Variants in TM9SF3 observed in about 807,000 individuals in gnomAD.
The protein encoded by TM9SF3 is SM-11044-binding protein.
In TM9SF3, 14 loss-of-function variants were observed where a neutral mutation model predicts 78.6. The ratio of observed to expected loss-of-function variants is 0.18; its 90% confidence interval spans 0.12 to 0.28. TM9SF3 has a LOEUF of 0.28. Ranked by LOEUF, TM9SF3 falls within the 10% of genes least tolerant of loss-of-function variation. The pLI is 1.00. For missense variants in TM9SF3, 496 were observed against 721.9 expected, an observed-to-expected ratio of 0.69 and a Z score of 3.59; for synonymous variants, 231 against 241.7, an observed-to-expected ratio of 0.96 and a Z score of 0.41.
intron 4 of TM9SF3, among the ~76,000 whole-genome samples, chr10:96,561,769 A>G (rs1031142397): frequency 6.6e-6 from 1 of 152,270 alleles, no homozygotes; most frequent in Non-Finnish European, 1.5e-5. Context: ...CTGCAAAGGC[A>G]TAACTGGTAT....
chr10:96,528,132 G>C lies in TM9SF3; in HGVS notation c.1440C>G (p.Val480=). 2 of 1,612,536 alleles carry C rather than the reference G, an allele frequency of 1.2e-6. No individual in the cohort carries two copies. The highest frequency in any genetic ancestry group is 1.7e-6 in the Non-Finnish European group (2 of 1,178,902). ...CCAGCACCAGCATCATGAAGCCATA[G>C]ACATAATAGATCTTATATGCCCAGA... The part of the protein sequence containing the change: ...TSFWAYKIYY[V]YGFMMLVLVI... The change falls in exon 12 of 15, where the codon GTC becomes GTG. Residue 480 remains valine (V), a synonymous_variant. Transcript: ENST00000371142.
Position 96,566,182 on chromosome 10 carries a change from A to G in TM9SF3, c.299-756T>C, listed in dbSNP as rs147425019. ...CAATCAAAAGAAGTTGTTTTGGTAT[A>G]TTAAGCAATTAGAAAAAAATTAAGA... is the stretch of plus-strand genomic sequence containing the variant. On this transcript the variant is annotated intron_variant, in intron 2 of 14. Transcript: ENST00000371142. 3.3e-3 allele frequency among the ~76,000 whole-genome samples: 496 copies of G among 152,360 alleles called. 2 individuals carry two copies. Among genetic ancestry groups the G allele is most frequent in the African/African-American group, 0.011 (445 of 41,604 alleles).
chr10:96,549,982 T>C (rs1394092070), intron 7 of TM9SF3, among the ~76,000 whole-genome samples: 1 of 152,190 alleles, frequency 6.6e-6, no homozygotes, highest in Non-Finnish European at 1.5e-5. Context: ...CAGTGTTTAA[T>C]GTAAAGCACA....
chr10:96,556,994 C>T (rs1848241600), intron 5 of TM9SF3, among the ~76,000 whole-genome samples: 1 of 152,100 alleles, frequency 6.6e-6, no homozygotes, highest in African/African-American at 2.4e-5. Context: ...CTTTCCCCTC[C>T]CCCGCAAAGC....
At chr10:96,543,344 C>CTTTTTTTTTTTTTT (rs398014526) in intron 9 of TM9SF3, among the ~76,000 whole-genome samples, 40 of 136,908 alleles carry the variant, frequency 2.9e-4, no homozygotes, top group Non-Finnish European at 4.1e-4. Flanking sequence ...TAGTGAGATT[C>CTTTTTTTTTTTTTT]TTTTTTTTGA....
At chr10:96,580,912 C>T (rs1848561174) in intron 1 of TM9SF3, among the ~76,000 whole-genome samples, 1 of 152,088 alleles carries the variant, frequency 6.6e-6, no homozygotes, top group Non-Finnish European at 1.5e-5. Flanking sequence ...AGTAATTTGT[C>T]CAAATCAATC....
Position 96,518,805 on chromosome 10 carries a change from T to C in TM9SF3, c.*3458A>G, listed in dbSNP as rs1847725061. ...TTTCTGTACACACTTCCAAATACTC[T>C]TCATAAATTTTCACTTCTGACTGAA... is the stretch of plus-strand genomic sequence containing the variant. On this transcript the variant is annotated 3_prime_UTR_variant, in exon 15 of 15. Coordinates refer to ENST00000371142, the MANE Select transcript of TM9SF3 (RefSeq NM_020123.4). 1 of 151,292 alleles carries C rather than the reference T, an allele frequency of 6.6e-6. No homozygotes were observed. Among genetic ancestry groups the C allele is most frequent in the African/African-American group, 2.4e-5 (1 of 41,152 alleles). The allele number at this position is 151,292 out of a possible 1,614,324, so 9.4% of individuals were successfully genotyped here. A position where few individuals can be genotyped will look rare whatever the true frequency, so the allele number is the denominator to read the frequency against.
intron 11 of TM9SF3, among the ~76,000 whole-genome samples, 171 bp downstream of exon 11, chr10:96,530,369 T>G (rs1026813438): frequency 1.3e-5 from 2 of 152,192 alleles, no homozygotes; most frequent in African/African-American, 2.4e-5. Context: ...ACTTGAATAT[T>G]TAAGAACACA....
chr10:96,562,206 T>G, intron 3 of TM9SF3, 68 bp from the exon 4 acceptor site: 4 of 1,147,132 alleles, frequency 3.5e-6, no homozygotes, highest in Non-Finnish European at 4.8e-6. Flanking sequence ...ACAAGCTAAA[T>G]GCTCATTAAG....
At chr10:96,535,699 A>G (rs1847950005) in intron 9 of TM9SF3, among the ~76,000 whole-genome samples, 1 of 152,166 alleles carries the variant, frequency 6.6e-6, no homozygotes, top group Admixed American at 6.5e-5. Context: ...AGTGGGGAGA[A>G]GAAAGATTTA....
At chr10:96,538,507 A>G (rs1354618492) in intron 9 of TM9SF3, among the ~76,000 whole-genome samples, 1 of 152,200 alleles carries the variant, frequency 6.6e-6, no homozygotes, top group Non-Finnish European at 1.5e-5. Context: ...GAAAAAGCAC[A>G]AAGCATAAAA....
intron 2 of TM9SF3, among the ~76,000 whole-genome samples, chr10:96,575,298 TAA>T (rs1329552674): frequency 6.6e-6 from 1 of 152,164 alleles, no homozygotes; most frequent in Non-Finnish European, 1.5e-5. Context: ...TTTTCTAGTT[TAA>T]GTTTTCTTGT....
intron 8 of TM9SF3, among the ~76,000 whole-genome samples, chr10:96,545,643 A>G (rs1478778640): frequency 6.6e-6 from 1 of 152,088 alleles, no homozygotes; most frequent in African/African-American, 2.4e-5. Context: ...TAATCCCAGC[A>G]CTTTGGGAAG....
chr10:96,551,288 G>C lies in TM9SF3; in HGVS notation c.916C>G (p.Leu306Val). ...GSGCQIFAVS[L>V]IVIIVAMIED... ...ATCATTGCAACAATAATAACGATGA[G>C]AGACACAGCAAATATCTGACATCCA... Residue 306 changes from leucine (L) to valine (V), a missense_variant, in exon 7 of 15, where the codon CTC (leucine) becomes GTC (valine). By Grantham distance (32) the Leu-to-Val change is conservative (BLOSUM62 1). Coordinates refer to ENST00000371142, the MANE Select transcript of TM9SF3 (RefSeq NM_020123.4). The C allele has an allele frequency of 1.2e-6, 2 of 1,612,636 alleles. No individual in the cohort carries two copies. The highest frequency in any genetic ancestry group is 8.5e-7 in the Non-Finnish European group (1 of 1,179,564).
chr10:96,570,191 C>T (rs1173464886), intron 2 of TM9SF3, among the ~76,000 whole-genome samples: 2 of 152,138 alleles, frequency 1.3e-5, no homozygotes, highest in African/African-American at 4.8e-5. Flanking sequence ...TTAGAATGTG[C>T]TTAAAACAGT....
At chr10:96,571,709 T>G (rs1029023125) in intron 2 of TM9SF3, among the ~76,000 whole-genome samples, 1 of 152,194 alleles carries the variant, frequency 6.6e-6, no homozygotes, top group Non-Finnish European at 1.5e-5. Context: ...AAAAAAATAC[T>G]TGTAAAATAA....
Position 96,552,154 on chromosome 10 carries a change from T to C in TM9SF3, c.793-743A>G, listed in dbSNP as rs143375437. ...ACCCTAGTATATTAAAATTTAAAATTTGAAACTATTTCCCAAGCCAGGCAC... is the reference window on the plus strand; with the variant it reads ...ACCCTAGTATATTAAAATTTAAAATCTGAAACTATTTCCCAAGCCAGGCAC... On this transcript the variant is annotated intron_variant, in intron 6 of 14. Coordinates refer to ENST00000371142, the MANE Select transcript of TM9SF3 (RefSeq NM_020123.4). 1.6e-4 allele frequency among the ~76,000 whole-genome samples: 24 copies of C among 152,196 alleles called. No individual in the cohort carries two copies. The East Asian group carries it at 4.2e-3, about 27-fold the overall frequency.
rs563520083 is a variant in TM9SF3, at chr10:96,573,361, A to G, written c.298+3273T>C. ...GACAACCTACAACACTTTTCAAAGC[A>G]TGATCGACTTTATCTTTGAACACAG... On this transcript the variant is annotated intron_variant, in intron 2 of 14. Transcript: ENST00000371142. 3.0e-4 allele frequency among the ~76,000 whole-genome samples: 45 copies of G among 152,322 alleles called. No homozygotes were observed. In the South Asian group the frequency reaches 9.3e-3, roughly 32 times the overall value.
chr10:96,573,851 T>C (rs368442286), intron 2 of TM9SF3, among the ~76,000 whole-genome samples: 20 of 152,030 alleles, frequency 1.3e-4, no homozygotes, highest in African/African-American at 4.3e-4. Flanking sequence ...ATAGGTGGTG[T>C]TGGGAAAACT....
Sources: gnomAD v4.1 joint callset for allele counts (sites outside exome capture counted in the v4.1 genomes callset) on GRCh38, gnomAD v4.1.1 for gene constraint, MANE v1.5 for transcripts, NCBI Gene and HGNC (gene_info 2026-07-23, HGNC 2026-07-21) for gene names.